Variants in MAMLD1 observed in about 807,000 individuals in gnomAD.
The protein encoded by MAMLD1 is mastermind-like domain-containing protein 1.
MAMLD1 carries 14 observed loss-of-function variants against 45.0 expected under a neutral mutation model. The observed-to-expected ratio is 0.31, with a 90% CI of 0.21 to 0.49. The LOEUF (loss-of-function observed/expected upper bound fraction) is 0.49, where lower values mean the gene tolerates loss of function less well. Among genes scored for constraint, MAMLD1 ranks in the 20% least tolerant of loss-of-function variants. The pLI, the probability that MAMLD1 is intolerant of heterozygous loss-of-function variation, is 0.99. For missense variants in MAMLD1, 543 were observed against 603.6 expected (o/e 0.90, Z 1.05); for synonymous variants, 254 against 247.8 (o/e 1.02, Z -0.24).
chrX:150,423,386 T>G (rs73638251), intron 1 of MAMLD1, among the ~76,000 whole-genome samples: 4,603 of 96,752 alleles, frequency 0.048, 122 homozygotes, highest in African/African-American at 0.084. Flanking sequence ...GTGTGTGTGT[T>G]TGCACCTTTG....
At chrX:150,446,655 C>A (rs2035496982) in intron 2 of MAMLD1, among the ~76,000 whole-genome samples, 1 of 112,516 alleles carries the variant, frequency 8.9e-6, no homozygotes, top group Admixed American at 9.3e-5. Flanking sequence ...TTACTGCACT[C>A]CCCAGCTCTC....
At chrX:150,427,756 C>T (rs1173857706) in intron 1 of MAMLD1, among the ~76,000 whole-genome samples, 1 of 112,001 alleles carries the variant, frequency 8.9e-6, no homozygotes, top group Non-Finnish European at 1.9e-5. Flanking sequence ...GTTTCTGCCC[C>T]TTAGTTCATT....
intron 5 of MAMLD1, among the ~76,000 whole-genome samples, chrX:150,477,937 C>T (rs1339745004): frequency 9.0e-6 from 1 of 111,463 alleles, no homozygotes; most frequent in Non-Finnish European, 1.9e-5. Flanking sequence ...ATAGTCATGG[C>T]GCACAGAGCA....
At chrX:150,361,917 C>T (rs1313062284), upstream of MAMLD1, among the ~76,000 whole-genome samples, 9 of 112,845 alleles carry the variant, frequency 8.0e-5, no homozygotes, top group Non-Finnish European at 1.5e-4. Context: ...TCCAGCCCAG[C>T]TTGGGCGGGA....
intron 1 of MAMLD1, among the ~76,000 whole-genome samples, chrX:150,412,475 CA>C (rs1334815322): frequency 2.7e-5 from 3 of 110,980 alleles, no homozygotes; most frequent in African/African-American, 9.8e-5. Flanking sequence ...GGCTCTCCAC[CA>C]GCTGAAACCT....
chrX:150,446,882 C>A (rs1193172835), intron 2 of MAMLD1, among the ~76,000 whole-genome samples: 1 of 112,948 alleles, frequency 8.9e-6, no homozygotes, highest in Non-Finnish European at 1.9e-5. Context: ...TTTAGCATGA[C>A]TTTAAATTTC....
intron 6 of MAMLD1, among the ~76,000 whole-genome samples, chrX:150,505,282 A>G (rs1267868393): frequency 9.0e-6 from 1 of 111,687 alleles, no homozygotes; most frequent in African/African-American, 3.3e-5. Context: ...CCAGTTCCCC[A>G]TTGGGGTCCC....
chrX:150,422,955 T>C (rs1376691576), intron 1 of MAMLD1, among the ~76,000 whole-genome samples: 1 of 111,620 alleles, frequency 9.0e-6, no homozygotes, highest in Non-Finnish European at 1.9e-5. Flanking sequence ...ATGTGCACCA[T>C]GGGAGGGGAG....
chrX:150,510,621 C>A (rs1389618684), intron 7 of MAMLD1, among the ~76,000 whole-genome samples: 6 of 112,246 alleles, frequency 5.3e-5, no homozygotes, highest in African/African-American at 1.9e-4. Flanking sequence ...TAGCAAAATG[C>A]CTGATGTAGT....
chrX:150,470,893 A>G lies in MAMLD1; in HGVS notation c.1320A>G (p.Gln440=), dbSNP rs151207889. The G allele has an allele frequency of 6.1e-5, 74 of 1,209,579 alleles. No homozygotes were observed. Among genetic ancestry groups the G allele is most frequent in the Non-Finnish European group, 7.5e-5 (67 of 895,151 alleles). Residue 440 remains glutamine (Q), a synonymous_variant, in exon 4 of 8, where the codon CAA becomes CAG. Coordinates refer to ENST00000370401, the MANE Select transcript of MAMLD1 (RefSeq NM_005491.5). ...TGTCCTCTACCATCAAAACCCCTCA[A>G]GGACACCTGATGTCTGCTCTGCCTG... ...NLMSSTIKTP[Q]GHLMSALPAS...
chrX:150,481,007 A>G (rs1268099966), intron 5 of MAMLD1, among the ~76,000 whole-genome samples: 11 of 112,883 alleles, frequency 9.7e-5, no homozygotes, highest in African/African-American at 3.5e-4. Flanking sequence ...GTGGAGACAC[A>G]TATTCTTCTG....
rs1325515947 is a variant in MAMLD1, at chrX:150,418,563, T to C, written c.-63-26891T>C. Among the ~76,000 whole-genome samples, 490 of 102,885 alleles carry C rather than the reference T, an allele frequency of 4.8e-3. 2 individuals carry two copies. The highest frequency in any genetic ancestry group is 0.017 in the African/African-American group (471 of 28,204). 89.3% of individuals were successfully genotyped at this position (102,885 alleles called of 115,157 possible). On this transcript the variant is annotated intron_variant, in intron 1 of 7. Coordinates refer to ENST00000370401, the MANE Select transcript of MAMLD1 (RefSeq NM_005491.5). ...AATTTTGGATCTTTCCTGCTTTCTG[T>C]TGTGGGCATTTAGTGCTATAAATTT... is the stretch of plus-strand genomic sequence containing the variant.
intron 1 of MAMLD1, among the ~76,000 whole-genome samples, chrX:150,436,657 T>C (rs1460301128): frequency 8.9e-6 from 1 of 112,115 alleles, no homozygotes; most frequent in African/African-American, 3.2e-5. Flanking sequence ...TGGATTGAGT[T>C]TTGACTTTTT....
intron 2 of MAMLD1, among the ~76,000 whole-genome samples, chrX:150,455,655 A>G (rs782183402): frequency 8.9e-6 from 1 of 111,982 alleles, no homozygotes; most frequent in African/African-American, 3.2e-5. Flanking sequence ...GTGACCACCA[A>G]TTAGAGACAA....
At chrX:150,448,382 C>G (rs1430320405) in intron 2 of MAMLD1, among the ~76,000 whole-genome samples, 2 of 111,926 alleles carry the variant, frequency 1.8e-5, no homozygotes, top group East Asian at 5.6e-4. Flanking sequence ...AGAGATTAAG[C>G]AATTTGACCA....
intron 1 of MAMLD1, among the ~76,000 whole-genome samples, chrX:150,375,633 G>A: frequency 8.9e-6 from 1 of 112,474 alleles, no homozygotes; most frequent in Non-Finnish European, 1.9e-5. Flanking sequence ...ACAGATTGAG[G>A]TGTCTCCCTA....
intron 1 of MAMLD1, among the ~76,000 whole-genome samples, chrX:150,371,744 G>C (rs868983301): frequency 8.9e-6 from 1 of 111,940 alleles, no homozygotes; most frequent in Non-Finnish European, 1.9e-5. Context: ...GTGACAGAGT[G>C]GGGAGGAGGA....
chrX:150,393,893 T>C (rs2033292471), intron 1 of MAMLD1, among the ~76,000 whole-genome samples: 1 of 111,398 alleles, frequency 9.0e-6, no homozygotes, highest in Non-Finnish European at 1.9e-5. Flanking sequence ...TGGCTTGTCT[T>C]TTCATTCTCT....
At chrX:150,364,866 G>T (rs1238406296) in intron 1 of MAMLD1, among the ~76,000 whole-genome samples, 1 of 113,034 alleles carries the variant, frequency 8.8e-6, no homozygotes, top group Non-Finnish European at 1.9e-5. Context: ...CAGCGGCCCC[G>T]GCCCGCGCCT....
Sources: gnomAD v4.1 joint callset for allele counts (sites outside exome capture counted in the v4.1 genomes callset) on GRCh38, gnomAD v4.1.1 for gene constraint, MANE v1.5 for transcripts, NCBI Gene and HGNC (gene_info 2026-07-23, HGNC 2026-07-21) for gene names.